Variants in CAPN9 observed in about 807,000 individuals in gnomAD.
CAPN9 encodes calpain 9.
CAPN9 carries 81 observed loss-of-function variants against 92.8 expected under a neutral mutation model. The observed-to-expected ratio is 0.87, with a 90% confidence interval of 0.73 to 1.05. The LOEUF is 1.05. Ranked by LOEUF, CAPN9 falls within the 50% of genes least tolerant of loss-of-function variation. The probability of loss-of-function intolerance (pLI) is 0.00; values close to 1 mark genes in which losing one functional copy is unlikely to be tolerated. For synonymous variants in CAPN9, 304 were observed against 328.0 expected (o/e 0.93, Z 0.79); for missense variants, 848 against 866.2 (o/e 0.98, Z 0.26).
chr1:230,800,238 GAA>G (rs1241435162), intron 19 of CAPN9, among the ~76,000 whole-genome samples: 2 of 49,516 alleles, frequency 4.0e-5, no homozygotes, highest in African/African-American at 1.8e-4. Context: ...AAAGAAGAAA[GAA>G]AGAAAGAAAG....
chr1:230,769,414 A>G (rs1188339374), intron 6 of CAPN9, 151 bp downstream of exon 6: 1 of 603,884 alleles, frequency 1.7e-6, no homozygotes, highest in Non-Finnish European at 2.8e-6. Context: ...GGAATTCAAA[A>G]CGGCAAGCCA....
intron 14 of CAPN9, among the ~76,000 whole-genome samples, chr1:230,790,939 A>G (rs139436637): frequency 1.8e-3 from 280 of 152,332 alleles, no homozygotes; most frequent in African/African-American, 6.6e-3. Flanking sequence ...CAACAGAGCA[A>G]TACTCCGTTT....
intron 18 of CAPN9, 22 bp from the exon 19 acceptor site, chr1:230,798,139 CT>C (rs1348523659): frequency 6.4e-6 from 10 of 1,565,394 alleles, no homozygotes; most frequent in Admixed American, 1.7e-5. Flanking sequence ...AAAAGGATGC[CT>C]TTCCCCCTTC....
intron 12 of CAPN9, among the ~76,000 whole-genome samples, chr1:230,787,135 C>CAA (rs1667646963): frequency 6.6e-6 from 1 of 152,166 alleles, no homozygotes; most frequent in East Asian, 1.9e-4. Flanking sequence ...CAGACTCTTG[C>CAA]CTTCAACGAT....
intron 14 of CAPN9, among the ~76,000 whole-genome samples, chr1:230,790,676 C>A (rs1667922526): frequency 6.6e-6 from 1 of 152,204 alleles, no homozygotes; most frequent in South Asian, 2.1e-4. Flanking sequence ...TGCGGTGGCT[C>A]ACGCCTGTAA....
chr1:230,771,337 C>T (rs1335174779), intron 6 of CAPN9, among the ~76,000 whole-genome samples: 1 of 152,258 alleles, frequency 6.6e-6, no homozygotes, highest in Non-Finnish European at 1.5e-5. Context: ...CTTTCACCCT[C>T]TCTCCTCTAA....
intron 4 of CAPN9, among the ~76,000 whole-genome samples, chr1:230,766,345 C>T (rs1665984063): frequency 6.6e-6 from 1 of 152,164 alleles, no homozygotes; most frequent in African/African-American, 2.4e-5. Flanking sequence ...TGATGGGGCA[C>T]ATTTGATATT....
chr1:230,799,427 A>C (rs1668543142), intron 19 of CAPN9, among the ~76,000 whole-genome samples: 1 of 152,222 alleles, frequency 6.6e-6, no homozygotes, highest in African/African-American at 2.4e-5. Context: ...AATTTTCTCA[A>C]GTGTGTATCT....
chr1:230,784,836 G>A (rs1307883088), intron 11 of CAPN9, among the ~76,000 whole-genome samples: 1 of 152,248 alleles, frequency 6.6e-6, no homozygotes, highest in Non-Finnish European at 1.5e-5. Context: ...TGGGAAGGCG[G>A]CCATCATCCT....
intron 19 of CAPN9, 91 bp downstream of exon 19, chr1:230,798,311 T>G (rs1558122600): frequency 4.9e-6 from 4 of 819,112 alleles, no homozygotes; most frequent in Middle Eastern, 4.7e-4. Flanking sequence ...CTTGATTTCA[T>G]GCAAGGGCTG....
At chr1:230,787,055 A>T (rs1189261491) in intron 12 of CAPN9, among the ~76,000 whole-genome samples, 1 of 152,230 alleles carries the variant, frequency 6.6e-6, no homozygotes, top group African/African-American at 2.4e-5. Flanking sequence ...AAAACCAAAG[A>T]AACCAAAAAT....
chr1:230,757,808 G>A (rs1204496268), intron 2 of CAPN9, among the ~76,000 whole-genome samples: 1 of 151,972 alleles, frequency 6.6e-6, no homozygotes, highest in Non-Finnish European at 1.5e-5. Context: ...GGAGCTGGGT[G>A]AGTGTGAGGG....
At chr1:230,775,500 G>A (rs1168075960) in intron 8 of CAPN9, among the ~76,000 whole-genome samples, 1 of 151,960 alleles carries the variant, frequency 6.6e-6, no homozygotes, top group Non-Finnish European at 1.5e-5. Context: ...TTCCTGTTTG[G>A]GTTCTAGAAG....
chr1:230,772,977 G>T (rs1023498309), intron 7 of CAPN9, among the ~76,000 whole-genome samples: 5 of 151,908 alleles, frequency 3.3e-5, no homozygotes, highest in African/African-American at 1.2e-4. Context: ...GCTGTTGCTC[G>T]TCCGCTGCTT....
At chr1:230,767,276 G>A (rs1666048719) in intron 4 of CAPN9, among the ~76,000 whole-genome samples, 1 of 152,146 alleles carries the variant, frequency 6.6e-6, no homozygotes, top group South Asian at 2.1e-4. Flanking sequence ...ACCAGGATTT[G>A]AACCTGCGGC....
chr1:230,775,154 T>C (rs960034007), intron 8 of CAPN9, among the ~76,000 whole-genome samples: 6 of 152,160 alleles, frequency 3.9e-5, no homozygotes, highest in African/African-American at 1.2e-4. Context: ...ACCCCAGCTC[T>C]CGGTTTGTTG....
intron 6 of CAPN9, among the ~76,000 whole-genome samples, chr1:230,769,817 G>C (rs1413551939): frequency 6.6e-6 from 1 of 152,040 alleles, no homozygotes; most frequent in African/African-American, 2.4e-5. Flanking sequence ...AGATAATAAG[G>C]ATGAAGACCT....
chr1:230,788,024 T>TA (rs1487215322), intron 13 of CAPN9, among the ~76,000 whole-genome samples: 1 of 152,030 alleles, frequency 6.6e-6, no homozygotes, highest in Admixed American at 6.6e-5. Flanking sequence ...CTTAGCTAAT[T>TA]AAAAAAATAA....
In CAPN9 at chr1:230,762,800, T is replaced by A; in HGVS notation, c.536+14T>A. 6.2e-7 allele frequency: 1 copy of A among 1,612,888 alleles called. No homozygotes were observed. Among genetic ancestry groups the A allele is most frequent in the African/African-American group, 1.3e-5 (1 of 75,004 alleles). On this transcript the variant is annotated intron_variant, in intron 4 of 19. Transcript: ENST00000271971. ...AGCCTACGCCAAGTGAGTGACAGCT[T>A]CCCCAGCTCAGGCAGCCTCCCGACA... is the stretch of plus-strand genomic sequence containing the variant.
Sources: gnomAD v4.1 joint callset for allele counts (sites outside exome capture counted in the v4.1 genomes callset) on GRCh38, gnomAD v4.1.1 for gene constraint, MANE v1.5 for transcripts, NCBI Gene and HGNC (gene_info 2026-07-23, HGNC 2026-07-21) for gene names.